Variants in SDCCAG8 observed in about 807,000 individuals in gnomAD.
The protein encoded by SDCCAG8 is serologically defined colon cancer antigen 8.
SDCCAG8 carries 74 observed loss-of-function variants against 101.8 expected under a neutral mutation model. The ratio of observed to expected loss-of-function variants is 0.73; its 90% CI spans 0.60 to 0.88. The LOEUF is 0.88. Among genes scored for constraint, SDCCAG8 ranks in the 40% least tolerant of loss-of-function variants. The pLI is 0.00. For missense variants in SDCCAG8, 787 were observed against 822.6 expected, an observed-to-expected ratio of 0.96 and a Z score of 0.53; for synonymous variants, 281 against 292.9, an observed-to-expected ratio of 0.96 and a Z score of 0.41.
At position 243,367,280 on chromosome 1, in the gene SDCCAG8, A is replaced by G. The variant is rs376103085; in HGVS notation, c.1474-11441A>G. ...GAAAGACTACTTTTTTTATATGGAGATGTCCCACCAGAAAAGATTGTTTTC... is the reference window on the plus strand; with the variant it reads ...GAAAGACTACTTTTTTTATATGGAGGTGTCCCACCAGAAAAGATTGTTTTC... On this transcript the variant is annotated intron_variant, in intron 12 of 17. Coordinates refer to ENST00000366541, the MANE Select transcript of SDCCAG8 (RefSeq NM_006642.5). Among the ~76,000 whole-genome samples, 39 of 151,938 alleles carry G rather than the reference A, an allele frequency of 2.6e-4. No homozygotes were observed. The South Asian group carries it at 8.1e-3, about 32-fold the overall frequency.
At position 243,484,686 on chromosome 1, in the gene SDCCAG8, C is replaced by G. The variant is rs1395371797; in HGVS notation, c.1986-4328C>G. Among the ~76,000 whole-genome samples, 3 of 152,158 alleles carry G rather than the reference C, an allele frequency of 2.0e-5. No individual in the cohort carries two copies. In the East Asian group the frequency reaches 5.8e-4, roughly 29 times the overall value. ...AGTCTCTCCTCCATTGGCCGGGAAC[C>G]GCCCGAGAGCCGGGAGCATTTGTCA... On this transcript the variant is annotated intron_variant, in intron 16 of 17. Transcript: ENST00000366541.
At chr1:243,275,278 TTC>T (rs1474869492) in intron 4 of SDCCAG8, among the ~76,000 whole-genome samples, 2 of 152,154 alleles carry the variant, frequency 1.3e-5, no homozygotes, top group African/African-American at 4.8e-5. Flanking sequence ...TTTTTTCTGT[TTC>T]TTTCTCTCTT....
At chr1:243,369,693 G>A (rs1340884153) in intron 12 of SDCCAG8, among the ~76,000 whole-genome samples, 2 of 152,094 alleles carry the variant, frequency 1.3e-5, no homozygotes, top group Non-Finnish European at 2.9e-5. Context: ...AGAGACAGGT[G>A]TGCTTCTGAA....
At chr1:243,444,030 C>T (rs953929047) in intron 16 of SDCCAG8, among the ~76,000 whole-genome samples, 37 of 152,190 alleles carry the variant, frequency 2.4e-4, no homozygotes, top group Admixed American at 1.4e-3. Context: ...CTGAAAATTA[C>T]GCTTGTTTTT....
intron 13 of SDCCAG8, among the ~76,000 whole-genome samples, chr1:243,385,121 G>A (rs2078195033): frequency 6.6e-6 from 1 of 152,126 alleles, no homozygotes; most frequent in South Asian, 2.1e-4. Flanking sequence ...GGGTGTGGTG[G>A]CTCACACCTG....
At position 243,481,272 on chromosome 1, in the gene SDCCAG8, C is replaced by T. The variant is rs560867581; in HGVS notation, c.1986-7742C>T. On this transcript the variant is annotated intron_variant, in intron 16 of 17. Coordinates refer to ENST00000366541, the MANE Select transcript of SDCCAG8 (RefSeq NM_006642.5). ...AGAGGGACCAAAGGGGAGTGAGAGA[C>T]CTGTACAGAGTCTAAGAAGGAGAGT... Among the ~76,000 whole-genome samples, 75 of 152,176 alleles carry T rather than the reference C, an allele frequency of 4.9e-4. No homozygotes were observed. In the South Asian group the frequency reaches 0.015, roughly 30 times the overall value.
At chr1:243,263,087 A>C (rs1175009036) in intron 1 of SDCCAG8, among the ~76,000 whole-genome samples, 1 of 152,150 alleles carries the variant, frequency 6.6e-6, no homozygotes, top group South Asian at 2.1e-4. Context: ...GCTCACTGTC[A>C]CGCTCATTTT....
intron 16 of SDCCAG8, among the ~76,000 whole-genome samples, chr1:243,439,622 T>TCACACAAACA (rs2082392224): frequency 8.3e-6 from 1 of 120,146 alleles, no homozygotes; most frequent in Non-Finnish European, 1.7e-5. Flanking sequence ...TGAGACTCCA[T>TCACACAAACA]CACACACACA....
intron 13 of SDCCAG8, among the ~76,000 whole-genome samples, chr1:243,397,130 A>G (rs567478281): frequency 6.6e-6 from 1 of 152,354 alleles, no homozygotes; most frequent in South Asian, 2.1e-4. Context: ...GGAAGGAGCC[A>G]GAGCCAGTTT....
At chr1:243,331,927 A>G (rs1243493140) in intron 10 of SDCCAG8, among the ~76,000 whole-genome samples, 1 of 152,202 alleles carries the variant, frequency 6.6e-6, no homozygotes, top group African/African-American at 2.4e-5. Flanking sequence ...TTCGATCATC[A>G]TTGTGATAAA....
At chr1:243,403,655 T>TC (rs11403162) in intron 13 of SDCCAG8, among the ~76,000 whole-genome samples, 36,087 of 151,994 alleles carry the variant, frequency 0.24, 7,180 homozygotes, top group African/African-American at 0.55. Context: ...TGGATTCCCA[T>TC]GGGGCGCTAA....
At chr1:243,465,472 TA>T (rs1213483183) in intron 16 of SDCCAG8, among the ~76,000 whole-genome samples, 3 of 152,258 alleles carry the variant, frequency 2.0e-5, no homozygotes, top group African/African-American at 7.2e-5. Flanking sequence ...TTGAATGTAC[TA>T]TGTTCTATTG....
In SDCCAG8 at chr1:243,277,669, T is replaced by C. The variant is rs141659815; in HGVS notation, c.420+3013T>C. Reference sequence around the variant, plus strand: ...ATTTTAATGAAGTTTAACTTACCAATTTTTTTCTTTCATAGATTGTACTTT... The same window carrying C: ...ATTTTAATGAAGTTTAACTTACCAACTTTTTTCTTTCATAGATTGTACTTT... On this transcript the variant is annotated intron_variant, in intron 4 of 17. Coordinates refer to ENST00000366541, the MANE Select transcript of SDCCAG8 (RefSeq NM_006642.5). 2.9e-3 allele frequency among the ~76,000 whole-genome samples: 439 copies of C among 152,286 alleles called. 4 individuals carry two copies. Among genetic ancestry groups the C allele is most frequent in the African/African-American group, 0.01 (422 of 41,566 alleles).
At chr1:243,420,368 T>C (rs1383352639) in intron 15 of SDCCAG8, among the ~76,000 whole-genome samples, 1 of 152,238 alleles carries the variant, frequency 6.6e-6, no homozygotes, top group Non-Finnish European at 1.5e-5. Flanking sequence ...ACACAGTAGC[T>C]GCTATTATTT....
intron 13 of SDCCAG8, among the ~76,000 whole-genome samples, chr1:243,386,555 C>T (rs1028055442): frequency 2.0e-5 from 3 of 152,058 alleles, no homozygotes; most frequent in Non-Finnish European, 4.4e-5. Context: ...AGATCAAGAC[C>T]ATCCTGGCTA....
chr1:243,345,514 G>A (rs1393633476), intron 12 of SDCCAG8, among the ~76,000 whole-genome samples: 1 of 152,168 alleles, frequency 6.6e-6, no homozygotes, highest in Admixed American at 6.5e-5. Flanking sequence ...GTCAGGGACT[G>A]AAGGCCTAGG....
intron 5 of SDCCAG8, among the ~76,000 whole-genome samples, chr1:243,290,094 C>T (rs2070073888): frequency 6.6e-6 from 1 of 151,976 alleles, no homozygotes. Context: ...ATTTATTCAA[C>T]ATTTTGTCAT....
intron 12 of SDCCAG8, among the ~76,000 whole-genome samples, chr1:243,373,249 A>G (rs1327542614): frequency 1.3e-5 from 2 of 152,008 alleles, no homozygotes; most frequent in African/African-American, 2.4e-5. Context: ...GCTTTAGACA[A>G]TTTTCAATGT....
chr1:243,340,975 G>C, intron 10 of SDCCAG8, 64 bp from the exon 11 acceptor site: 1 of 1,528,636 alleles, frequency 6.5e-7, no homozygotes, highest in Non-Finnish European at 9.1e-7. Flanking sequence ...ATTAATTCAA[G>C]AAAGTTTTAG....
Sources: allele counts gnomAD v4.1 joint callset (sites outside exome capture counted in the v4.1 genomes callset), GRCh38; gene constraint gnomAD v4.1.1; transcripts MANE v1.5; gene names NCBI Gene and HGNC (gene_info 2026-07-23, HGNC 2026-07-21).